DENND4C: variants seen among roughly 807,000 people sequenced by gnomAD.
DENND4C encodes the protein DENN domain containing 4C, also known as DENN domain-containing protein 4C.
In DENND4C, 108 loss-of-function variants were observed where a neutral mutation model predicts 203.0. That is an observed-to-expected ratio of 0.53 (90% confidence interval 0.46 to 0.62). The LOEUF (loss-of-function observed/expected upper bound fraction) is 0.62. DENND4C is among the 20% of genes least tolerant of loss of function. The pLI, the probability that DENND4C is intolerant of heterozygous loss-of-function variation, is 0.00. For missense variants in DENND4C, 2,481 were observed against 2,301.2 expected, an observed-to-expected ratio of 1.08 and a Z score of -1.60; for synonymous variants, 871 against 792.4, an observed-to-expected ratio of 1.10 and a Z score of -1.67.
At chr9:19,261,670 AT>A (rs79471192) in intron 1 of DENND4C, among the ~76,000 whole-genome samples, 8,066 of 143,460 alleles carry the variant, frequency 0.056, 330 homozygotes, top group African/African-American at 0.12. Context: ...GGCCGGGCTA[AT>A]TTTTTTTTTT....
At chr9:19,282,559 T>TTAAAA (rs1275074036) in intron 2 of DENND4C, among the ~76,000 whole-genome samples, 17 of 137,208 alleles carry the variant, frequency 1.2e-4, no homozygotes, top group South Asian at 4.8e-4. Flanking sequence ...TGGCAAAAAT[T>TTAAAA]AAAAAAAAAA....
In DENND4C at chr9:19,358,384, A is replaced by T. The variant is rs1825820674; in HGVS notation, c.5160+224A>T. On this transcript the variant is annotated intron_variant, in intron 28 of 32. Transcript: ENST00000434457. The surrounding 1 kb of genome is among the most constrained non-coding windows in gnomAD (Gnocchi z 4.8). ...GCTTCAGTTATTTTCAGTTTATGGC[A>T]TTCTTCTTTTATGTATATTCTCATT... 6.6e-6 allele frequency among the ~76,000 whole-genome samples: 1 copy of T among 152,152 alleles called. No homozygotes were observed. Among genetic ancestry groups the T allele is most frequent in the Non-Finnish European group, 1.5e-5 (1 of 68,004 alleles).
In DENND4C at chr9:19,350,700, A is replaced by G; in HGVS notation, c.4318-2A>G. The G allele has an allele frequency of 6.3e-7, 1 of 1,596,874 alleles. No homozygotes were observed. The highest frequency in any genetic ancestry group is 8.5e-7 in the Non-Finnish European group (1 of 1,174,146). On this transcript the variant is annotated splice_acceptor_variant, in intron 23 of 32. Transcript: ENST00000434457. LOFTEE classifies it high-confidence loss of function. The stretch of plus-strand genomic sequence containing the variant: ...TGTGGAATTTTTTTTTTTCAATTAA[A>G]GGAAGAAACTAATAGAGACTACAGC...
intron 12 of DENND4C, among the ~76,000 whole-genome samples, chr9:19,317,878 G>A (rs552084439): frequency 2.0e-5 from 3 of 152,208 alleles, no homozygotes; most frequent in Admixed American, 2.0e-4. Flanking sequence ...GGAAGACTTC[G>A]TGGAAGAAGC....
intron 12 of DENND4C, among the ~76,000 whole-genome samples, chr9:19,319,221 A>G (rs1361308540): frequency 6.8e-6 from 1 of 147,324 alleles, no homozygotes; most frequent in Non-Finnish European, 1.5e-5. Flanking sequence ...GTATATATAT[A>G]TATACACATT....
chr9:19,279,351 G>A (rs1833562731), intron 2 of DENND4C, among the ~76,000 whole-genome samples: 1 of 150,396 alleles, frequency 6.6e-6, no homozygotes, highest in Non-Finnish European at 1.5e-5. Context: ...AGGATTGCTT[G>A]AGGCCAGGAG....
chr9:19,255,915 A>G (rs557822081), intron 1 of DENND4C, among the ~76,000 whole-genome samples: 3 of 151,804 alleles, frequency 2.0e-5, no homozygotes, highest in Non-Finnish European at 4.4e-5. Context: ...ACATTCTGCT[A>G]AAGTGCACAT....
At chr9:19,235,319 C>T (rs1334538582) in intron 1 of DENND4C, among the ~76,000 whole-genome samples, 1 of 152,102 alleles carries the variant, frequency 6.6e-6, no homozygotes, top group African/African-American at 2.4e-5. Flanking sequence ...AGGGCTGCTA[C>T]AATATAGTAT....
chr9:19,313,983 G>A (rs1203830253), intron 10 of DENND4C, among the ~76,000 whole-genome samples: 3 of 152,178 alleles, frequency 2.0e-5, no homozygotes, highest in African/African-American at 7.2e-5. Context: ...CTGGTGGGCC[G>A]AGGCAGGAAA....
At chr9:19,367,312 A>C (rs1262938879) in intron 30 of DENND4C, among the ~76,000 whole-genome samples, 3 of 152,266 alleles carry the variant, frequency 2.0e-5, no homozygotes, top group African/African-American at 7.2e-5. Context: ...CATATGAGTT[A>C]CCATATGATA....
intron 2 of DENND4C, among the ~76,000 whole-genome samples, chr9:19,277,954 T>C (rs978078252): frequency 1.3e-5 from 2 of 152,150 alleles, no homozygotes; most frequent in Non-Finnish European, 2.9e-5. Flanking sequence ...ATGTATTACA[T>C]TGATTTTCTT....
chr9:19,244,379 C>T (rs993113253), intron 1 of DENND4C, among the ~76,000 whole-genome samples: 2 of 151,852 alleles, frequency 1.3e-5, no homozygotes, highest in Non-Finnish European at 2.9e-5. Flanking sequence ...TTTTGGATTA[C>T]TTGAGTATAT....
intron 16 of DENND4C, among the ~76,000 whole-genome samples, chr9:19,328,378 T>A (rs1021460941): frequency 5.3e-5 from 8 of 152,162 alleles, no homozygotes; most frequent in African/African-American, 1.9e-4. Flanking sequence ...TTTCAGAGGC[T>A]GAGGTGAGCA....
intron 1 of DENND4C, among the ~76,000 whole-genome samples, chr9:19,234,891 T>TATG (rs1415583439): frequency 1.3e-5 from 2 of 152,054 alleles, no homozygotes; most frequent in African/African-American, 4.8e-5. Context: ...ATTTTGCTAA[T>TATG]ATGATGGTCC....
chr9:19,239,424 A>T (rs574016900), intron 1 of DENND4C, among the ~76,000 whole-genome samples: 1 of 152,078 alleles, frequency 6.6e-6, no homozygotes, highest in African/African-American at 2.4e-5. Context: ...AATGATCTCA[A>T]GTTTAATTCC....
chr9:19,273,688 C>G (rs1461214206), intron 1 of DENND4C, among the ~76,000 whole-genome samples: 1 of 151,860 alleles, frequency 6.6e-6, no homozygotes, highest in Non-Finnish European at 1.5e-5. Context: ...TGTTCAGCAT[C>G]AATAGTAATT....
rs1820558104 is a variant in DENND4C at position 19,336,712 on chromosome 9, G to A, written c.2761G>A (p.Asp921Asn). 2.6e-6 allele frequency: 4 copies of A among 1,551,124 alleles called. No homozygotes were observed. The highest frequency in any genetic ancestry group is 3.5e-6 in the Non-Finnish European group (4 of 1,147,100). The change falls in exon 20 of 33, where the codon GAT becomes AAT. Residue 921 changes from aspartate to asparagine, a missense_variant. Transcript: ENST00000434457. The part of the protein sequence containing the change: ...SALQNVTGGS[D>N]GDTVSHGSVD... ...TCTTCAAAATGTCACAGGTGGAAGT[G>A]ATGGGGACACGGTGAGCCACGGTAG... is the stretch of plus-strand genomic sequence containing the variant.
At chr9:19,309,813 A>C (rs552256972) in intron 10 of DENND4C, among the ~76,000 whole-genome samples, 6 of 152,048 alleles carry the variant, frequency 3.9e-5, no homozygotes, top group Non-Finnish European at 7.4e-5. Flanking sequence ...GTATGTATAC[A>C]TCATGGAATG....
intron 2 of DENND4C, 22 bp downstream of exon 2, chr9:19,276,501 G>A: frequency 8.2e-7 from 1 of 1,226,558 alleles, no homozygotes; most frequent in Non-Finnish European, 1.0e-6. Context: ...TCTTTTCTTT[G>A]CTATAGTGAA....
Sources: gnomAD v4.1 joint callset for allele counts (sites outside exome capture counted in the v4.1 genomes callset) on GRCh38, gnomAD v4.1.1 for gene constraint, Gnocchi (gnomAD v3.1) non-coding constraint, MANE v1.5 for transcripts, NCBI Gene and HGNC (gene_info 2026-07-23, HGNC 2026-07-21) for gene names.